SNX29: variants seen among roughly 807,000 people sequenced by gnomAD.
SNX29 encodes sorting nexin 29.
A neutral mutation model predicts 102.1 loss-of-function variants in SNX29; 78 were observed. The ratio of observed to expected loss-of-function variants is 0.76; its 90% CI spans 0.64 to 0.92. The LOEUF (loss-of-function observed/expected upper bound fraction) is 0.92. Ranked by LOEUF, SNX29 falls within the 40% of genes least tolerant of loss-of-function variation. The pLI, the probability that SNX29 is intolerant of heterozygous loss-of-function variation, is 0.00. For missense variants in SNX29, 1,280 were observed against 1,061.7 expected (o/e 1.21, Z -2.86); for synonymous variants, 580 against 414.5 (o/e 1.40, Z -4.85).
rs868362052 is a variant in SNX29 at position 12,121,453 on chromosome 16, G to A, written c.1403-5180G>A. ...CCATGCGGTCACTGCAGGTCGGCCC[G>A]CACTTCTCCCGCTGGCCCTTGGGTA... On this transcript the variant is annotated intron_variant, in intron 11 of 20. Transcript: ENST00000566228. Among the ~76,000 whole-genome samples the A allele has an allele frequency of 1.1e-4, 17 of 152,380 alleles. No individual in the cohort carries two copies. The Middle Eastern group carries it at 0.01, about 91-fold the overall frequency.
intron 13 of SNX29, among the ~76,000 whole-genome samples, chr16:12,150,327 G>C (rs930120009): frequency 2.0e-5 from 3 of 152,196 alleles, no homozygotes; most frequent in Admixed American, 1.3e-4. Flanking sequence ...GATCAACCAT[G>C]ATAAGTATGA....
At position 12,027,356 on chromosome 16, in the gene SNX29, G is replaced by A. The variant is rs1054323672; in HGVS notation, c.159G>A (p.Leu53=). ...TGTGTGCCCAGTTTGAAGCCGTCCT[G>A]CAGCATGGCTTGAAGAGGAGTCGAG... is the stretch of plus-strand genomic sequence containing the variant. ...TCLCAQFEAV[L]QHGLKRSRGL... is the part of the protein sequence containing the mutation. The change falls in exon 4 of 21, where the codon CTG becomes CTA. Residue 53 remains leucine (L), a synonymous_variant. Transcript: ENST00000566228. 6.2e-6 allele frequency: 10 copies of A among 1,614,082 alleles called. No individual in the cohort carries two copies. Among genetic ancestry groups the A allele is most frequent in the Non-Finnish European group, 7.6e-6 (9 of 1,179,976 alleles).
chr16:12,540,188 G>C (rs898036419), intron 20 of SNX29, among the ~76,000 whole-genome samples: 1 of 152,088 alleles, frequency 6.6e-6, no homozygotes, highest in Non-Finnish European at 1.5e-5. Context: ...GGACTTTTGT[G>C]TCAGGTCCAA....
At chr16:12,538,755 C>T (rs1468040488) in intron 20 of SNX29, among the ~76,000 whole-genome samples, 5 of 152,170 alleles carry the variant, frequency 3.3e-5, no homozygotes, top group Non-Finnish European at 7.3e-5. Context: ...ATATGGGTAT[C>T]ATCCAAGCTG....
chr16:12,176,141 A>G lies in SNX29; in HGVS notation c.1596-23460A>G, dbSNP rs183729655. ...AGGAGAGAGACCTCAGAAGAAACCAACTCTGCCAACACCTCAGTGTTAGAC... is the reference window on the plus strand; with the variant it reads ...AGGAGAGAGACCTCAGAAGAAACCAGCTCTGCCAACACCTCAGTGTTAGAC... On this transcript the variant is annotated intron_variant, in intron 13 of 20. Coordinates refer to ENST00000566228, the MANE Select transcript of SNX29 (RefSeq NM_032167.5). Among the ~76,000 whole-genome samples the G allele has an allele frequency of 2.0e-5, 3 of 152,230 alleles. No individual in the cohort carries two copies. The East Asian group carries it at 5.8e-4, about 29-fold the overall frequency.
chr16:12,345,058 C>G (rs974023076), intron 15 of SNX29, among the ~76,000 whole-genome samples: 2 of 152,230 alleles, frequency 1.3e-5, no homozygotes, highest in Non-Finnish European at 2.9e-5. Context: ...TCCGCTGACC[C>G]TCCCATAATC....
chr16:12,289,562 T>C (rs560447518), intron 15 of SNX29, among the ~76,000 whole-genome samples: 21 of 152,322 alleles, frequency 1.4e-4, no homozygotes, highest in African/African-American at 4.8e-4. Flanking sequence ...GTGTTCTGTT[T>C]CGCTTCCATT....
chr16:12,170,495 T>A (rs2076122931), intron 13 of SNX29, among the ~76,000 whole-genome samples: 1 of 151,610 alleles, frequency 6.6e-6, no homozygotes, highest in Non-Finnish European at 1.5e-5. Context: ...GCCTGCCTGC[T>A]GGTATGCGTG....
intron 15 of SNX29, among the ~76,000 whole-genome samples, chr16:12,292,922 C>T (rs189112347): frequency 3.9e-5 from 6 of 152,268 alleles, no homozygotes; most frequent in Admixed American, 3.3e-4. Context: ...TTTTTGCTAA[C>T]GTCCAGCTGA....
chr16:12,218,897 C>T (rs1321409102), intron 14 of SNX29, among the ~76,000 whole-genome samples: 1 of 152,158 alleles, frequency 6.6e-6, no homozygotes, highest in Non-Finnish European at 1.5e-5. Context: ...GCCTCAGCCT[C>T]CCAAGTAGCT....
intron 1 of SNX29, among the ~76,000 whole-genome samples, chr16:11,980,301 A>C (rs2055386196): frequency 6.6e-6 from 1 of 152,152 alleles, no homozygotes; most frequent in South Asian, 2.1e-4. Flanking sequence ...CACTCGGTAT[A>C]ATTTTCCTGA....
intron 11 of SNX29, chr16:12,081,848 T>C (rs1289316088): frequency 7.0e-6 from 1 of 143,810 alleles, no homozygotes; most frequent in Non-Finnish European, 1.5e-5. Context: ...GTTCTCAGAG[T>C]AGTCAGTGTA....
Position 12,570,899 on chromosome 16 carries a change from A to G in SNX29, c.*2270A>G, listed in dbSNP as rs1257356925. The G allele has an allele frequency of 4.4e-6, 1 of 228,124 alleles. No homozygotes were observed. The highest frequency in any genetic ancestry group is 8.6e-6 in the Non-Finnish European group (1 of 116,218). The allele number at this position is 228,124 out of a possible 1,614,324, so 14.1% of individuals were successfully genotyped here. Reference sequence around the variant, plus strand: ...TATAATACTGAATTATTCACAAAAAACCTGGTCTGCTCTCCAAAATGAGAG... The same window carrying G: ...TATAATACTGAATTATTCACAAAAAGCCTGGTCTGCTCTCCAAAATGAGAG... On this transcript the variant is annotated 3_prime_UTR_variant, in exon 21 of 21. Transcript: ENST00000566228.
At chr16:12,052,538 G>T in intron 8 of SNX29, 1 of 324,290 alleles carries the variant, frequency 3.1e-6, no homozygotes. Context: ...TTTTAATGAG[G>T]GGGTTAAGTT....
intron 18 of SNX29, among the ~76,000 whole-genome samples, chr16:12,421,509 T>A (rs556803800): frequency 6.6e-6 from 1 of 152,174 alleles, no homozygotes; most frequent in South Asian, 2.1e-4. Flanking sequence ...TTAACACATA[T>A]AGGGTGTTCA....
At chr16:12,206,518 G>A (rs1004276909) in intron 14 of SNX29, among the ~76,000 whole-genome samples, 1 of 151,984 alleles carries the variant, frequency 6.6e-6, no homozygotes, top group Non-Finnish European at 1.5e-5. Flanking sequence ...AGAGATGCAC[G>A]CAGTTAGCTC....
At chr16:12,371,325 G>T (rs914168039) in intron 16 of SNX29, among the ~76,000 whole-genome samples, 2 of 151,274 alleles carry the variant, frequency 1.3e-5, no homozygotes, top group African/African-American at 4.9e-5. Context: ...TAGAGACAGG[G>T]TCTTTCTCTG....
intron 18 of SNX29, among the ~76,000 whole-genome samples, chr16:12,424,563 A>G (rs1040812319): frequency 2.0e-5 from 3 of 152,220 alleles, no homozygotes; most frequent in Non-Finnish European, 2.9e-5. Context: ...AAAAATCTTT[A>G]TTAGCAGTAA....
intron 18 of SNX29, among the ~76,000 whole-genome samples, chr16:12,411,148 C>T (rs1259949430): frequency 6.6e-6 from 1 of 152,196 alleles, no homozygotes; most frequent in African/African-American, 2.4e-5. Flanking sequence ...AGAGAAGGAC[C>T]CGTTCTAAGG....
Sources: allele counts gnomAD v4.1 joint callset (sites outside exome capture counted in the v4.1 genomes callset), GRCh38; gene constraint gnomAD v4.1.1; transcripts MANE v1.5; gene names NCBI Gene and HGNC (gene_info 2026-07-23, HGNC 2026-07-21).